Variants in VIRMA observed in about 807,000 individuals in gnomAD.
VIRMA encodes vir like m6A methyltransferase associated.
In VIRMA, 65 loss-of-function variants were observed where a neutral mutation model predicts 182.4. The observed-to-expected ratio is 0.36, with a 90% confidence interval of 0.29 to 0.44. The LOEUF (loss-of-function observed/expected upper bound fraction) is 0.44, where lower values mean the gene tolerates loss of function less well. Ranked by LOEUF, VIRMA falls within the 20% of genes least tolerant of loss-of-function variation. The pLI is 1.00. For missense variants in VIRMA, 1,752 were observed against 2,158.1 expected (o/e 0.81, Z 3.73); for synonymous variants, 709 against 743.1 (o/e 0.95, Z 0.75).
chr8:94,536,293 G>T (rs1815339907), intron 4 of VIRMA, among the ~76,000 whole-genome samples: 1 of 152,174 alleles, frequency 6.6e-6, no homozygotes, highest in African/African-American at 2.4e-5. Context: ...TAAACAGGAT[G>T]CAAAGGATTT....
rs1815074464 is a variant in VIRMA, at chr8:94,529,199, C to A, written c.751G>T (p.Asp251Tyr). The change falls in exon 7 of 24, where the codon GAT becomes TAT. Residue 251 changes from aspartate (D) to tyrosine (Y), a missense_variant. Asp to Tyr is a radical substitution (Grantham distance 160). This residue lies in a region of VIRMA where 114 missense variants were observed against 106.9 expected (regional missense o/e 1.07). Transcript: ENST00000297591. ...TCCTCTACATCCACATCATCTTCAT[C>A]TTCTTCTCCTTCTTCTTGTTGTTCC... ...EEEQQEEGEE[D>Y]EDDVDVEEEE... 2 of 1,481,892 alleles carry A rather than the reference C, an allele frequency of 1.3e-6. No homozygotes were observed. Among genetic ancestry groups the A allele is most frequent in the Non-Finnish European group, 1.9e-6 (2 of 1,059,990 alleles). The allele number at this position is 1,481,892 out of a possible 1,614,324, so 91.8% of individuals were successfully genotyped here. A position where few individuals can be genotyped will look rare whatever the true frequency, so the allele number is the denominator to read the frequency against.
chr8:94,509,646 A>G (rs1233405605), intron 15 of VIRMA, 42 bp downstream of exon 15: 1 of 1,500,082 alleles, frequency 6.7e-7, no homozygotes, highest in Non-Finnish European at 9.1e-7. Context: ...ACACACACAC[A>G]TACACATGCA....
intron 9 of VIRMA, 103 bp from the exon 10 acceptor site, chr8:94,518,045 T>C (rs1814622512): frequency 2.6e-6 from 2 of 769,492 alleles, no homozygotes; most frequent in Admixed American, 2.8e-5. Flanking sequence ...TCAAGGACAT[T>C]TACAATAAAA....
chr8:94,550,106 A>AAC (rs1379538049), intron 1 of VIRMA, among the ~76,000 whole-genome samples: 5 of 152,020 alleles, frequency 3.3e-5, no homozygotes, highest in Non-Finnish European at 4.4e-5. Context: ...TAAAAAAAAA[A>AAC]AAAAAAACTG....
chr8:94,499,268 T>G, intron 17 of VIRMA, 106 bp downstream of exon 17: 9 of 758,066 alleles, frequency 1.2e-5, no homozygotes, highest in South Asian at 2.4e-5. Flanking sequence ...ACCAGAGTGC[T>G]GAGATTACAG....
rs1424452755 is a variant in VIRMA at position 94,496,484 on chromosome 8, T to C, written c.4231-4A>G. On this transcript the variant is annotated splice_polypyrimidine_tract_variant and splice_region_variant and intron_variant, in intron 17 of 23. Coordinates refer to ENST00000297591, the MANE Select transcript of VIRMA (RefSeq NM_015496.5). ...CATTATCATCTCCACAGCATCCCTG[T>C]AAATGTCACACATAAGTTAAATTTG... is the stretch of plus-strand genomic sequence containing the variant. The C allele has an allele frequency of 6.2e-7, 1 of 1,601,354 alleles. No individual in the cohort carries two copies. Among genetic ancestry groups the C allele is most frequent in the Middle Eastern group, 1.7e-4 (1 of 6,006 alleles).
At chr8:94,549,567 C>T (rs1178510665) in intron 1 of VIRMA, among the ~76,000 whole-genome samples, 1 of 152,192 alleles carries the variant, frequency 6.6e-6, no homozygotes, top group Non-Finnish European at 1.5e-5. Context: ...TTTAACTACC[C>T]TATCTCCTTC....
At chr8:94,508,521 T>C (rs1380254335) in intron 15 of VIRMA, among the ~76,000 whole-genome samples, 2 of 152,140 alleles carry the variant, frequency 1.3e-5, no homozygotes, top group African/African-American at 4.8e-5. Context: ...CACAGCAAAG[T>C]GAGGCCATCA....
chr8:94,491,537 C>T, intron 22 of VIRMA, 41 bp downstream of exon 22: 2 of 1,474,048 alleles, frequency 1.4e-6, no homozygotes, highest in South Asian at 1.2e-5. Flanking sequence ...TTTAACATTC[C>T]AATATTCTAA....
chr8:94,508,917 C>A lies in VIRMA; in HGVS notation c.3879+771G>T, dbSNP rs144088217. ...TCTCAATCATAATGGGCTTTAAAAG[C>A]TAAAACAATTCTCATTAACCCATGA... is the stretch of plus-strand genomic sequence containing the variant. On this transcript the variant is annotated intron_variant, in intron 15 of 23. Transcript: ENST00000297591. Among the ~76,000 whole-genome samples the A allele has an allele frequency of 3.4e-3, 512 of 152,104 alleles. 1 individual carries two copies. The highest frequency in any genetic ancestry group is 0.012 in the African/African-American group (495 of 41,492).
intron 20 of VIRMA, among the ~76,000 whole-genome samples, chr8:94,493,889 A>G (rs1024674206): frequency 1.3e-5 from 2 of 152,226 alleles, no homozygotes; most frequent in Admixed American, 1.3e-4. Flanking sequence ...AACAGACTGC[A>G]ATAAATTTTA....
At chr8:94,532,786 G>A (rs559132623) in intron 5 of VIRMA, among the ~76,000 whole-genome samples, 2 of 152,160 alleles carry the variant, frequency 1.3e-5, no homozygotes, top group East Asian at 3.9e-4. Flanking sequence ...GCAACATAGT[G>A]AGACCCCATC....
At chr8:94,540,353 A>C (rs1815494881) in intron 2 of VIRMA, among the ~76,000 whole-genome samples, 1 of 152,172 alleles carries the variant, frequency 6.6e-6, no homozygotes, top group African/African-American at 2.4e-5. Flanking sequence ...TAAAACACTA[A>C]AAAGTAACAG....
Position 94,488,523 on chromosome 8 carries a change from AT to A in VIRMA, c.*182del. 3.9e-6 allele frequency: 2 copies of A among 513,328 alleles called. No individual in the cohort carries two copies. The highest frequency in any genetic ancestry group is 5.9e-5 in the East Asian group (2 of 33,696). 31.8% of individuals were successfully genotyped at this position (513,328 alleles called of 1,614,324 possible). A position where few individuals can be genotyped will look rare whatever the true frequency, so the allele number is the denominator to read the frequency against. On this transcript the variant is annotated 3_prime_UTR_variant, in exon 24 of 24. Transcript: ENST00000297591. ...AAAGGGAAAATATATACAAACGTACATACAAAGTTTGGATTTTTATTGAAAT... is the reference window on the plus strand; with the variant it reads ...AAAGGGAAAATATATACAAACGTACAACAAAGTTTGGATTTTTATTGAAAT...
At chr8:94,520,396 G>C (rs962836148) in intron 8 of VIRMA, among the ~76,000 whole-genome samples, 89 of 152,036 alleles carry the variant, frequency 5.9e-4, no homozygotes, top group African/African-American at 2.0e-3. Context: ...TTGGGAGGCT[G>C]AGGTGGGAGG....
chr8:94,544,902 A>G (rs1815707997), intron 1 of VIRMA, among the ~76,000 whole-genome samples: 1 of 152,136 alleles, frequency 6.6e-6, no homozygotes, highest in South Asian at 2.1e-4. Flanking sequence ...TAGGTACTGA[A>G]TAGCCGAGAT....
intron 2 of VIRMA, among the ~76,000 whole-genome samples, chr8:94,539,126 C>T (rs1303866922): frequency 1.3e-5 from 2 of 151,264 alleles, no homozygotes; most frequent in African/African-American, 2.4e-5. Flanking sequence ...AGGCTGGTCT[C>T]GAGCTCCTGT....
intron 4 of VIRMA, 111 bp downstream of exon 4, chr8:94,536,991 GA>G (rs368523841): frequency 0.025 from 15,665 of 614,564 alleles, 16 homozygotes; most frequent in Non-Finnish European, 0.03. Context: ...AAAACACAAA[GA>G]AAAAAAAAAA....
chr8:94,545,934 G>A (rs1815742453), intron 1 of VIRMA, among the ~76,000 whole-genome samples: 2 of 152,060 alleles, frequency 1.3e-5, no homozygotes, highest in African/African-American at 4.8e-5. Flanking sequence ...GCACATGCCT[G>A]TAGTCCCAGC....
Sources: allele counts gnomAD v4.1 joint callset (sites outside exome capture counted in the v4.1 genomes callset), GRCh38; gene constraint gnomAD v4.1.1; regional missense constraint gnomAD v4.1.1; transcripts MANE v1.5; gene names NCBI Gene and HGNC (gene_info 2026-07-23, HGNC 2026-07-21).